The following RALGPS1 variants were observed in gnomAD, a reference collection of about 807,000 sequenced individuals.
RALGPS1 encodes the protein Ral GEF with PH domain and SH3 binding motif 1.
In RALGPS1, 19 loss-of-function variants were observed where a neutral mutation model predicts 78.8. The ratio of observed to expected loss-of-function variants is 0.24; its 90% CI spans 0.17 to 0.35. RALGPS1 has a LOEUF of 0.35. RALGPS1 is among the 10% of genes least tolerant of loss of function. The pLI, the probability that RALGPS1 is intolerant of heterozygous loss-of-function variation, is 1.00. For missense variants in RALGPS1, 454 were observed against 688.3 expected (o/e 0.66, Z 3.81); for synonymous variants, 228 against 256.3 (o/e 0.89, Z 1.06).
At chr9:127,039,180 G>C (rs895872282) in intron 5 of RALGPS1, among the ~76,000 whole-genome samples, 24 of 152,124 alleles carry the variant, frequency 1.6e-4, no homozygotes, top group Non-Finnish European at 2.1e-4. Context: ...GAGTACCTGA[G>C]GATTGCTGAC....
intron 8 of RALGPS1, among the ~76,000 whole-genome samples, chr9:127,137,837 G>T (rs2057505694): frequency 2.0e-5 from 3 of 152,148 alleles, no homozygotes; most frequent in Admixed American, 2.0e-4. Context: ...AGGCTAAGGG[G>T]TTAGATGGAT....
At chr9:127,179,713 G>A (rs2060098647) in intron 11 of RALGPS1, among the ~76,000 whole-genome samples, 1 of 152,214 alleles carries the variant, frequency 6.6e-6, no homozygotes, top group Non-Finnish European at 1.5e-5. Context: ...AGCTGCCAGG[G>A]GCAAGGATGG....
chr9:127,148,347 C>T (rs557251235), intron 8 of RALGPS1, among the ~76,000 whole-genome samples: 2 of 152,244 alleles, frequency 1.3e-5, no homozygotes, highest in South Asian at 4.1e-4. Flanking sequence ...AGGACACAGG[C>T]ACTTCTTCAG....
chr9:127,115,855 G>A (rs2055355534), intron 8 of RALGPS1, among the ~76,000 whole-genome samples: 1 of 152,220 alleles, frequency 6.6e-6, no homozygotes, highest in East Asian at 1.9e-4. Flanking sequence ...GGAGAACCTG[G>A]TGAAAGGACT....
intron 10 of RALGPS1, among the ~76,000 whole-genome samples, chr9:127,172,848 G>A (rs536017302): frequency 1.3e-5 from 2 of 152,060 alleles, no homozygotes; most frequent in African/African-American, 2.4e-5. Flanking sequence ...CTGCCTTCTC[G>A]GTTGGGCCAT....
At chr9:127,034,548 G>T (rs751197776) in intron 5 of RALGPS1, 34 bp downstream of exon 5, 1 of 1,581,350 alleles carries the variant, frequency 6.3e-7, no homozygotes, top group Non-Finnish European at 8.7e-7. Flanking sequence ...CCTATCCAGA[G>T]AGCAATCTGC....
chr9:127,118,016 A>G (rs1395978819), intron 8 of RALGPS1, among the ~76,000 whole-genome samples: 1 of 152,170 alleles, frequency 6.6e-6, no homozygotes, highest in African/African-American at 2.4e-5. Context: ...GGACTGACAC[A>G]ATAGTTCAGT....
chr9:127,046,691 A>G (rs1050158068), intron 5 of RALGPS1, among the ~76,000 whole-genome samples: 2 of 151,248 alleles, frequency 1.3e-5, no homozygotes, highest in African/African-American at 4.8e-5. Flanking sequence ...AAAAAAAAAA[A>G]AAGCCAGGTG....
chr9:127,198,990 T>C, intron 13 of RALGPS1, 25 bp from the exon 14 acceptor site: 1 of 1,610,576 alleles, frequency 6.2e-7, no homozygotes, highest in Non-Finnish European at 8.5e-7. Flanking sequence ...GCCGTTGTGC[T>C]CATTGACCTG....
intron 8 of RALGPS1, among the ~76,000 whole-genome samples, chr9:127,132,345 G>A (rs747196280): frequency 6.6e-6 from 1 of 152,210 alleles, no homozygotes; most frequent in Non-Finnish European, 1.5e-5. Flanking sequence ...TTAAAAAAAG[G>A]TTCCTATAAA....
chr9:127,055,442 T>A (rs191206294), intron 7 of RALGPS1, among the ~76,000 whole-genome samples: 83 of 152,350 alleles, frequency 5.4e-4, no homozygotes, highest in Admixed American at 1.4e-3. Flanking sequence ...GGTCTCAAAC[T>A]TCTGGGCTCA....
intron 5 of RALGPS1, among the ~76,000 whole-genome samples, chr9:127,046,989 TA>T (rs34433419): frequency 1.7e-4 from 25 of 147,574 alleles, no homozygotes; most frequent in African/African-American, 1.7e-4. Flanking sequence ...TCGAATTAGT[TA>T]AAAAAAAAAA....
chr9:127,206,526 C>G (rs1490189645), intron 14 of RALGPS1, among the ~76,000 whole-genome samples: 1 of 152,132 alleles, frequency 6.6e-6, no homozygotes, highest in East Asian at 1.9e-4. Context: ...ATGAGAACAG[C>G]AGCATGGGGG....
chr9:126,976,960 A>G (rs1463928108), intron 3 of RALGPS1, among the ~76,000 whole-genome samples: 3 of 152,204 alleles, frequency 2.0e-5, no homozygotes, highest in Non-Finnish European at 4.4e-5. Context: ...TGTCTTCTCT[A>G]TTGATGACAT....
In RALGPS1 at chr9:127,195,071, T is replaced by G; in HGVS notation, c.911-20T>G. On this transcript the variant is annotated intron_variant, in intron 11 of 18. Coordinates refer to ENST00000259351, the MANE Select transcript of RALGPS1 (RefSeq NM_014636.3). ...CTCCCATCATAACCCCCGTTGTTGC[T>G]CTCTCTGCTCTGTTTGCAGGTCCCT... The G allele has an allele frequency of 6.2e-7, 1 of 1,611,924 alleles. No homozygotes were observed. Among genetic ancestry groups the G allele is most frequent in the Non-Finnish European group, 8.5e-7 (1 of 1,179,012 alleles).
At chr9:126,954,676 C>T (rs542833493) in intron 1 of RALGPS1, among the ~76,000 whole-genome samples, 1 of 152,244 alleles carries the variant, frequency 6.6e-6, no homozygotes, top group Admixed American at 6.5e-5. Flanking sequence ...AATCCCAGCG[C>T]CTGTAATCCC....
chr9:126,975,909 A>G (rs749855157), intron 3 of RALGPS1, among the ~76,000 whole-genome samples: 4 of 152,154 alleles, frequency 2.6e-5, no homozygotes, highest in South Asian at 2.1e-4. Context: ...TGGTGGCAGC[A>G]TCTCACCCGT....
At chr9:127,168,831 C>T in intron 10 of RALGPS1, 59 bp downstream of exon 10, 1 of 1,403,130 alleles carries the variant, frequency 7.1e-7, no homozygotes, top group Non-Finnish European at 1.0e-6. Flanking sequence ...CCTTAGTGCT[C>T]AGGTCCCTGC....
intron 1 of RALGPS1, among the ~76,000 whole-genome samples, chr9:126,924,756 C>T (rs1588459065): frequency 6.6e-6 from 1 of 152,232 alleles, no homozygotes; most frequent in East Asian, 1.9e-4. Context: ...CCCATCTGGC[C>T]ATCCATCCAT....
Sources: allele counts gnomAD v4.1 joint callset (sites outside exome capture counted in the v4.1 genomes callset), GRCh38; gene constraint gnomAD v4.1.1; transcripts MANE v1.5; gene names NCBI Gene and HGNC (gene_info 2026-07-23, HGNC 2026-07-21).